FBLN5: variants seen among roughly 807,000 people sequenced by gnomAD.
FBLN5 encodes the protein fibulin-5.
A neutral mutation model predicts 61.6 loss-of-function variants in FBLN5; 24 were observed. The observed-to-expected ratio is 0.39, with a 90% CI of 0.28 to 0.55. FBLN5 has a LOEUF of 0.55. FBLN5 is among the 20% of genes least tolerant of loss of function. FBLN5 has a pLI of 0.65. For synonymous variants in FBLN5, 213 were observed against 219.8 expected (o/e 0.97, Z 0.27); for missense variants, 470 against 594.1 (o/e 0.79, Z 2.17).
At chr14:91,921,872 G>A (rs901544511) in intron 4 of FBLN5, among the ~76,000 whole-genome samples, 1 of 152,182 alleles carries the variant, frequency 6.6e-6, no homozygotes. Flanking sequence ...AGCTGGCATG[G>A]TGCCTATGAC....
At chr14:91,901,851 A>T (rs2139993993) in intron 4 of FBLN5, among the ~76,000 whole-genome samples, 1 of 152,346 alleles carries the variant, frequency 6.6e-6, no homozygotes, top group Middle Eastern at 3.4e-3. Flanking sequence ...CAAATATGTG[A>T]TCCATTTTCC....
chr14:91,935,395 C>T (rs1003399377), intron 4 of FBLN5, among the ~76,000 whole-genome samples: 2 of 152,240 alleles, frequency 1.3e-5, no homozygotes, highest in Admixed American at 6.5e-5. Context: ...CTGCCAAAAC[C>T]GCAGAGTGCC....
At chr14:91,887,041 G>T in intron 7 of FBLN5, 152 bp downstream of exon 7, 2 of 828,512 alleles carry the variant, frequency 2.4e-6, no homozygotes, top group South Asian at 2.7e-5. Flanking sequence ...TCTCTGTTCT[G>T]TGTGATTCTG....
chr14:91,934,557 G>A (rs2055981222), intron 4 of FBLN5, among the ~76,000 whole-genome samples: 1 of 152,166 alleles, frequency 6.6e-6, no homozygotes, highest in Non-Finnish European at 1.5e-5. Flanking sequence ...TTATTTTGAT[G>A]AAGAGGACAA....
At chr14:91,931,952 C>T (rs1411085123) in intron 4 of FBLN5, among the ~76,000 whole-genome samples, 1 of 152,166 alleles carries the variant, frequency 6.6e-6, no homozygotes, top group Non-Finnish European at 1.5e-5. Context: ...AGCCCCACAC[C>T]GTCCTTCTCT....
intron 4 of FBLN5, among the ~76,000 whole-genome samples, chr14:91,912,448 C>A (rs1437396763): frequency 6.6e-6 from 1 of 152,164 alleles, no homozygotes; most frequent in Admixed American, 6.5e-5. Flanking sequence ...AGTTCAAGAC[C>A]AGCCTGGCCA....
chr14:91,932,440 G>A (rs943131443), intron 4 of FBLN5, among the ~76,000 whole-genome samples: 1 of 152,150 alleles, frequency 6.6e-6, no homozygotes, highest in Non-Finnish European at 1.5e-5. Flanking sequence ...GCCCGGCCCC[G>A]CCCAGCCCAT....
At chr14:91,934,408 A>G (rs2055979036) in intron 4 of FBLN5, among the ~76,000 whole-genome samples, 1 of 152,146 alleles carries the variant, frequency 6.6e-6, no homozygotes, top group Non-Finnish European at 1.5e-5. Context: ...GTACAATAGG[A>G]ATGATAATAG....
chr14:91,937,249 G>C, intron 3 of FBLN5, 48 bp from the exon 4 acceptor site: 2 of 1,612,346 alleles, frequency 1.2e-6, no homozygotes, highest in Non-Finnish European at 1.7e-6. Flanking sequence ...CAACTGCCTT[G>C]TGTCCGGTGC....
intron 7 of FBLN5, among the ~76,000 whole-genome samples, chr14:91,885,877 G>A (rs1434853783): frequency 2.0e-5 from 3 of 152,198 alleles, no homozygotes; most frequent in African/African-American, 7.2e-5. Context: ...GCCACGGAGG[G>A]AACTGAAATC....
chr14:91,892,221 G>T (rs747109082), intron 5 of FBLN5, among the ~76,000 whole-genome samples: 4 of 152,146 alleles, frequency 2.6e-5, no homozygotes, highest in African/African-American at 4.8e-5. Context: ...GTGGGGTAAG[G>T]GTAGTGAATG....
intron 4 of FBLN5, among the ~76,000 whole-genome samples, chr14:91,931,914 C>T (rs138961158): frequency 1.6e-3 from 243 of 152,330 alleles, no homozygotes; most frequent in South Asian, 5.4e-3. Flanking sequence ...CACCCCACCC[C>T]CTGAGGCTTC....
chr14:91,893,104 G>A (rs1890065154), intron 5 of FBLN5, among the ~76,000 whole-genome samples: 2 of 151,842 alleles, frequency 1.3e-5, no homozygotes, highest in South Asian at 4.1e-4. Flanking sequence ...CCCTTGTGGT[G>A]GGAAAAAAAA....
chr14:91,931,535 A>C (rs1393046183), intron 4 of FBLN5, among the ~76,000 whole-genome samples: 1 of 152,256 alleles, frequency 6.6e-6, no homozygotes, highest in Non-Finnish European at 1.5e-5. Flanking sequence ...GATCAATAAC[A>C]ATAACAAAAA....
chr14:91,932,981 G>A (rs1302369331), intron 4 of FBLN5, among the ~76,000 whole-genome samples: 1 of 152,242 alleles, frequency 6.6e-6, no homozygotes, highest in Non-Finnish European at 1.5e-5. Context: ...ATCCCTCTGG[G>A]TGGATATTCC....
chr14:91,907,484 G>A (rs1890730197), intron 4 of FBLN5, among the ~76,000 whole-genome samples: 1 of 152,122 alleles, frequency 6.6e-6, no homozygotes, highest in Admixed American at 6.5e-5. Flanking sequence ...AAAGAAGAAG[G>A]TAGGGAACAG....
chr14:91,876,674 G>A (rs1330835856), intron 10 of FBLN5, among the ~76,000 whole-genome samples: 5 of 152,130 alleles, frequency 3.3e-5, no homozygotes, highest in South Asian at 2.1e-4. Context: ...GGCGGCCCCC[G>A]GAAGCTGGAA....
At chr14:91,884,836 G>T (rs371847907) in intron 7 of FBLN5, among the ~76,000 whole-genome samples, 1 of 152,222 alleles carries the variant, frequency 6.6e-6, no homozygotes, top group African/African-American at 2.4e-5. Context: ...GACCCTACTC[G>T]GTTTATCTTT....
At chr14:91,939,663 T>G (rs1428970052) in intron 3 of FBLN5, among the ~76,000 whole-genome samples, 1 of 152,138 alleles carries the variant, frequency 6.6e-6, no homozygotes, top group Non-Finnish European at 1.5e-5. Flanking sequence ...TTATTGACCC[T>G]GGACATAAGG....
Sources: gnomAD v4.1 joint callset for allele counts (sites outside exome capture counted in the v4.1 genomes callset) on GRCh38, gnomAD v4.1.1 for gene constraint, MANE v1.5 for transcripts, NCBI Gene and HGNC (gene_info 2026-07-23, HGNC 2026-07-21) for gene names.